The following PRH1 variants were observed in gnomAD, a reference collection of about 807,000 sequenced individuals.
The protein encoded by PRH1 is salivary acidic proline-rich phosphoprotein 1/2.
In PRH1, 7 loss-of-function variants were observed where a neutral mutation model predicts 7.9. That is an observed-to-expected ratio of 0.89 (90% CI 0.50 to 1.67). The LOEUF (loss-of-function observed/expected upper bound fraction) is 1.67. PRH1 is among the 40% of genes most tolerant of loss of function. PRH1 has a pLI of 0.00. For synonymous variants in PRH1, 45 were observed against 80.8 expected (o/e 0.56, Z 2.38); for missense variants, 109 against 223.6 (o/e 0.49, Z 3.27).
At chr12:11,036,881 G>C (rs1474670877) in intron 1 of PRH1, among the ~76,000 whole-genome samples, 6 of 152,178 alleles carry the variant, frequency 3.9e-5, no homozygotes, top group African/African-American at 1.4e-4. Flanking sequence ...AATGCTATTT[G>C]ATCAGTGTGA....
chr12:11,037,949 G>A (rs1942511235), intron 1 of PRH1, among the ~76,000 whole-genome samples: 1 of 152,218 alleles, frequency 6.6e-6, no homozygotes, highest in South Asian at 2.1e-4. Flanking sequence ...GGCTGAGATG[G>A]GAGAATCACT....
intron 1 of PRH1, chr12:11,078,397 A>C: frequency 4.4e-6 from 1 of 226,120 alleles, no homozygotes. Context: ...ACAGGAAAGC[A>C]CCAGCCTATG....
At chr12:10,882,112 C>T (rs1949410267) in intron 3 of PRH1, 105 bp downstream of exon 3, 4 of 1,550,400 alleles carry the variant, frequency 2.6e-6, no homozygotes. Context: ...AAATGTGTTC[C>T]AGGACAGGGC....
intron 2 of PRH1, among the ~76,000 whole-genome samples, chr12:10,926,836 T>A (rs1180383002): frequency 4.6e-5 from 7 of 152,196 alleles, no homozygotes; most frequent in Non-Finnish European, 2.9e-5. Flanking sequence ...TTATGAAAGA[T>A]GAATCCTAAA....
chr12:10,883,733 T>G (rs1228573537), intron 1 of PRH1, among the ~76,000 whole-genome samples: 2 of 152,244 alleles, frequency 1.3e-5, no homozygotes, highest in Non-Finnish European at 2.9e-5. Context: ...TACCCAATTC[T>G]CTGCCTCGGC....
chr12:11,104,278 GAC>G (rs1360721424), intron 1 of PRH1, among the ~76,000 whole-genome samples: 1 of 150,614 alleles, frequency 6.6e-6, no homozygotes, highest in East Asian at 1.9e-4. Flanking sequence ...CCTCCCTTCT[GAC>G]TATCCCAAAT....
intron 2 of PRH1, among the ~76,000 whole-genome samples, chr12:10,972,449 C>T (rs939081048): frequency 5.9e-5 from 9 of 152,208 alleles, no homozygotes; most frequent in Admixed American, 2.0e-4. Flanking sequence ...ATGTTATTCT[C>T]AGAACAGCTC....
chr12:10,998,448 C>A (rs1290433333), intron 1 of PRH1, among the ~76,000 whole-genome samples: 1 of 152,072 alleles, frequency 6.6e-6, no homozygotes, highest in Non-Finnish European at 1.5e-5. Flanking sequence ...TTCTTGGAAA[C>A]CACAGGAAAG....
intron 1 of PRH1, among the ~76,000 whole-genome samples, chr12:10,999,488 C>G (rs546457706): frequency 7.2e-5 from 11 of 152,062 alleles, no homozygotes; most frequent in Non-Finnish European, 5.9e-5. Context: ...ATAATTTTTA[C>G]GTGACATTTC....
chr12:11,019,840 C>A (rs1868768), intron 1 of PRH1, among the ~76,000 whole-genome samples: 2,052 of 151,920 alleles, frequency 0.014, no homozygotes, highest in South Asian at 0.027. Context: ...GTGTGTTTGG[C>A]AGCTGCTGGG....
intron 2 of PRH1, among the ~76,000 whole-genome samples, chr12:10,900,169 G>A (rs980737843): frequency 6.6e-6 from 1 of 152,088 alleles, no homozygotes; most frequent in African/African-American, 2.4e-5. Context: ...AGTGAATGAA[G>A]CTCCAGTAGG....
At chr12:10,998,127 C>T (rs933753589) in intron 1 of PRH1, among the ~76,000 whole-genome samples, 12 of 152,144 alleles carry the variant, frequency 7.9e-5, no homozygotes, top group African/African-American at 2.7e-4. Flanking sequence ...CATAAAGTCT[C>T]TATTCTTGCT....
At chr12:10,990,130 A>G (rs1591775831) in intron 1 of PRH1, among the ~76,000 whole-genome samples, 5 of 152,354 alleles carry the variant, frequency 3.3e-5, no homozygotes, top group Admixed American at 3.3e-4. Flanking sequence ...ACAGACACAT[A>G]GAGCAGCGAA....
chr12:11,018,473 C>A lies in PRH1; in HGVS notation c.-126+28547G>T, dbSNP rs535298537. ...TCCCATGGTCAGCACCTTGCCTGAT[C>A]TAGATCATCCTTCCACCTGGGACTT... On this transcript the variant is annotated intron_variant, in intron 1 of 3. Coordinates refer to the PRH1 transcript ENST00000539853. 4.2e-4 allele frequency among the ~76,000 whole-genome samples: 63 copies of A among 151,226 alleles called. No homozygotes were observed. The South Asian group carries it at 0.013, about 31-fold the overall frequency.
chr12:11,080,981 T>C (rs11559492), intron 1 of PRH1, among the ~76,000 whole-genome samples: 6,551 of 86,586 alleles, frequency 0.076, 1,406 homozygotes, highest in Non-Finnish European at 0.091. Context: ...TTATTTTATG[T>C]TAATTTGATT....
At chr12:11,050,151 A>C (rs1473528480), upstream of PRH1, among the ~76,000 whole-genome samples, 3 of 152,134 alleles carry the variant, frequency 2.0e-5, no homozygotes, top group African/African-American at 4.8e-5. Flanking sequence ...ACAGAAATAT[A>C]GTGTGTGGAG....
At chr12:10,939,442 G>C (rs535847634) in intron 2 of PRH1, among the ~76,000 whole-genome samples, 1 of 152,166 alleles carries the variant, frequency 6.6e-6, no homozygotes, top group African/African-American at 2.4e-5. Flanking sequence ...GATGCTGTGT[G>C]CCTTATACAC....
chr12:11,075,825 TCAA>T (rs1261079303), intron 1 of PRH1, among the ~76,000 whole-genome samples: 1 of 139,992 alleles, frequency 7.1e-6, no homozygotes, highest in Non-Finnish European at 1.6e-5. Context: ...GCAGATTTTG[TCAA>T]GAGTTTCGTT....
At chr12:10,949,377 G>A (rs1950535667) in intron 2 of PRH1, among the ~76,000 whole-genome samples, 1 of 152,222 alleles carries the variant, frequency 6.6e-6, no homozygotes, top group African/African-American at 2.4e-5. Context: ...GTCCAAGAGT[G>A]GCAAGGGCAG....
Sources: allele counts gnomAD v4.1 joint callset (sites outside exome capture counted in the v4.1 genomes callset), GRCh38; gene constraint gnomAD v4.1.1; transcripts MANE v1.5; gene names NCBI Gene and HGNC (gene_info 2026-07-23, HGNC 2026-07-21).